The following SNRK variants were observed in gnomAD, a reference collection of about 807,000 sequenced individuals.
SNRK encodes the protein SNF related kinase, also known as SNF-related serine/threonine-protein kinase.
A neutral mutation model predicts 48.2 loss-of-function variants in SNRK; 3 were observed. That is an observed-to-expected ratio of 0.06 (90% confidence interval 0.03 to 0.16). The LOEUF is 0.16. SNRK is among the 10% of genes least tolerant of loss of function. The probability of loss-of-function intolerance (pLI) is 1.00; values close to 1 mark genes in which losing one functional copy is unlikely to be tolerated. For missense variants in SNRK, 627 were observed against 976.0 expected (o/e 0.64, Z 4.76); for synonymous variants, 376 against 366.1 (o/e 1.03, Z -0.31).
intron 1 of SNRK, among the ~76,000 whole-genome samples, chr3:43,293,884 A>C (rs2125613109): frequency 6.6e-6 from 1 of 152,114 alleles, no homozygotes; most frequent in East Asian, 1.9e-4. Flanking sequence ...GTGCCACTGC[A>C]ATCCAGCCTG....
intron 4 of SNRK, among the ~76,000 whole-genome samples, chr3:43,335,471 G>GT (rs1241970097): frequency 1.3e-5 from 2 of 151,192 alleles, no homozygotes; most frequent in African/African-American, 4.9e-5. Context: ...TTGTTTTTTT[G>GT]TTTTTTCAAA....
chr3:43,298,799 T>C (rs887849305), intron 1 of SNRK, among the ~76,000 whole-genome samples: 1 of 152,224 alleles, frequency 6.6e-6, no homozygotes, highest in Non-Finnish European at 1.5e-5. Context: ...TATAAGTGAT[T>C]TGCTCACATT....
At chr3:43,323,601 C>G (rs927664725) in intron 3 of SNRK, among the ~76,000 whole-genome samples, 6 of 152,194 alleles carry the variant, frequency 3.9e-5, no homozygotes, top group Non-Finnish European at 5.9e-5. Context: ...CCAGCAAACT[C>G]ACTCCTAGGT....
rs1008303909 is a variant in SNRK, at chr3:43,340,623, T to G, written c.944+124T>G. ...AAGAGTTCCCAGTTGGCAAGAGTTG[T>G]GTCATTTATCTCTAAAGTTCTTGGC... On this transcript the variant is annotated intron_variant, in intron 5 of 6. Coordinates refer to ENST00000296088, the MANE Select transcript of SNRK (RefSeq NM_017719.5). The G allele has an allele frequency of 4.7e-6, 4 of 851,512 alleles. No individual in the cohort carries two copies. In the African/African-American group the frequency reaches 6.9e-5, roughly 15 times the overall value. 52.7% of individuals were successfully genotyped at this position (851,512 alleles called of 1,614,324 possible).
intron 2 of SNRK, among the ~76,000 whole-genome samples, chr3:43,300,900 G>A (rs983142916): frequency 6.6e-6 from 1 of 152,356 alleles, no homozygotes; most frequent in Non-Finnish European, 1.5e-5. Context: ...CAGACACAGC[G>A]TAGCATAGTG....
chr3:43,327,567 C>T (rs1427972774), intron 3 of SNRK, among the ~76,000 whole-genome samples: 1 of 152,130 alleles, frequency 6.6e-6, no homozygotes. Flanking sequence ...TTCTGGACTT[C>T]CCATTTTTAT....
chr3:43,322,868 C>T (rs1433513634), intron 3 of SNRK, among the ~76,000 whole-genome samples: 2 of 145,060 alleles, frequency 1.4e-5, no homozygotes, highest in African/African-American at 2.6e-5. Context: ...AGGAGAATGG[C>T]GTGAACCCGG....
At chr3:43,311,670 A>G (rs2090980043) in intron 3 of SNRK, among the ~76,000 whole-genome samples, 1 of 152,126 alleles carries the variant, frequency 6.6e-6, no homozygotes, top group South Asian at 2.1e-4. Context: ...ATTCAGTGGA[A>G]GAAGAGACAA....
intron 3 of SNRK, among the ~76,000 whole-genome samples, chr3:43,317,009 CGTTT>C (rs1049784164): frequency 2.1e-4 from 32 of 152,114 alleles, no homozygotes; most frequent in Admixed American, 1.2e-3. Context: ...AGGGGTTTTT[CGTTT>C]GTTTGTTTGT....
intron 1 of SNRK, among the ~76,000 whole-genome samples, chr3:43,287,824 CTTA>C (rs926771568): frequency 5.9e-5 from 9 of 152,206 alleles, no homozygotes; most frequent in East Asian, 3.9e-4. Flanking sequence ...GTTGTCAAGG[CTTA>C]TGTAATCAGT....
At chr3:43,335,208 A>G (rs753753195) in intron 4 of SNRK, among the ~76,000 whole-genome samples, 7 of 152,090 alleles carry the variant, frequency 4.6e-5, no homozygotes, top group Non-Finnish European at 8.8e-5. Context: ...TTCTGTTGTA[A>G]TAATTTAAGG....
chr3:43,348,564 C>G lies in SNRK; in HGVS notation c.*7C>G. On this transcript the variant is annotated 3_prime_UTR_variant, in exon 7 of 7. Coordinates refer to ENST00000296088, the MANE Select transcript of SNRK (RefSeq NM_017719.5). ...CTGTTGCCATGTCATCTGACTGTGG[C>G]CCCATCTGGCCGCTAGCACGCTTCC... The G allele has an allele frequency of 6.6e-7, 1 of 1,522,184 alleles. No homozygotes were observed. Among genetic ancestry groups the G allele is most frequent in the Non-Finnish European group, 8.8e-7 (1 of 1,139,142 alleles). The allele number at this position is 1,522,184 out of a possible 1,614,324, so 94.3% of individuals were successfully genotyped here. A position where few individuals can be genotyped will look rare whatever the true frequency, so the allele number is the denominator to read the frequency against.
intron 4 of SNRK, chr3:43,333,259 T>A (rs1051135723): frequency 6.9e-6 from 1 of 145,398 alleles, no homozygotes; most frequent in Non-Finnish European, 1.5e-5. Context: ...CTCAGGAGGC[T>A]GAGGCGGGAG....
chr3:43,305,685 C>G (rs2090932405), intron 3 of SNRK, among the ~76,000 whole-genome samples: 1 of 151,900 alleles, frequency 6.6e-6, no homozygotes, highest in Non-Finnish European at 1.5e-5. Context: ...CGGGGTTTCA[C>G]CGTGTTAGCC....
chr3:43,304,030 TTAAAG>T (rs1417281955), intron 3 of SNRK, among the ~76,000 whole-genome samples: 1 of 152,214 alleles, frequency 6.6e-6, no homozygotes, highest in Non-Finnish European at 1.5e-5. Flanking sequence ...AAGTTATCAT[TTAAAG>T]TAATCTCTTT....
At chr3:43,307,222 A>G (rs2090944369) in intron 3 of SNRK, among the ~76,000 whole-genome samples, 1 of 152,192 alleles carries the variant, frequency 6.6e-6, no homozygotes, top group South Asian at 2.1e-4. Context: ...AAAAGTTTCT[A>G]ATATATTTTA....
chr3:43,291,002 A>T (rs2090807819), intron 1 of SNRK, among the ~76,000 whole-genome samples: 1 of 152,130 alleles, frequency 6.6e-6, no homozygotes, highest in Admixed American at 6.5e-5. Flanking sequence ...CAGTGCTGTG[A>T]GTGAGTATAG....
intron 4 of SNRK, among the ~76,000 whole-genome samples, chr3:43,339,987 C>T (rs1204932561): frequency 6.6e-6 from 1 of 150,442 alleles, no homozygotes; most frequent in Non-Finnish European, 1.5e-5. Context: ...GAATTTAATT[C>T]TGGTATGTCA....
In SNRK at chr3:43,343,370, A is replaced by G; in HGVS notation, c.971A>G (p.His324Arg). 6.2e-7 allele frequency: 1 copy of G among 1,614,158 alleles called. No homozygotes were observed. The change falls in exon 6 of 7, where the codon CAT becomes CGT. Residue 324 changes from histidine (H) to arginine (R), a missense_variant. This residue lies in a region of SNRK where 175 missense variants were observed against 209.7 expected (regional missense o/e 0.83). Transcript: ENST00000296088. The part of the protein sequence containing the change: ...VEALETNRYN[H>R]ITATYFLLAE... ...GCCCTGGAAACCAACAGGTATAACC[A>G]TATCACAGCCACATACTTCCTGCTG...
Sources: allele counts gnomAD v4.1 joint callset (sites outside exome capture counted in the v4.1 genomes callset), GRCh38; gene constraint gnomAD v4.1.1; regional missense constraint gnomAD v4.1.1; transcripts MANE v1.5; gene names NCBI Gene and HGNC (gene_info 2026-07-23, HGNC 2026-07-21).